The following CAMTA1 variants were observed in gnomAD, a reference collection of about 807,000 sequenced individuals.
The protein encoded by CAMTA1 is calmodulin binding transcription activator 1.
Under a neutral mutation model 170.9 loss-of-function variants are expected in CAMTA1, and 27 were observed. The ratio of observed to expected loss-of-function variants is 0.16; its 90% CI spans 0.12 to 0.22. The LOEUF (loss-of-function observed/expected upper bound fraction) is 0.22, where lower values mean the gene tolerates loss of function less well. Ranked by LOEUF, CAMTA1 falls within the 10% of genes least tolerant of loss-of-function variation. CAMTA1 has a pLI of 1.00. For missense variants in CAMTA1, 1,619 were observed against 2,217.2 expected (o/e 0.73, Z 5.42); for synonymous variants, 833 against 891.5 (o/e 0.93, Z 1.17).
In CAMTA1 at chr1:7,391,328, AGTGTGTGTGT is replaced by A. The variant is rs35663101; in HGVS notation, c.439-76481_439-76472del. 1.0e-4 allele frequency among the ~76,000 whole-genome samples: 15 copies of A among 146,926 alleles called. 1 individual carries two copies. Among genetic ancestry groups the A allele is most frequent in the Admixed American group, 7.5e-4 (11 of 14,764 alleles). ...GGATGTTTTATGCATCCCTTTACACAGTGTGTGTGTGTGTGTGTGTGTGTGTGTGTACATC... is the reference window on the plus strand; with the variant it reads ...GGATGTTTTATGCATCCCTTTACACAGTGTGTGTGTGTGTGTGTGTACATC... On this transcript the variant is annotated intron_variant, in intron 5 of 22. Coordinates refer to ENST00000303635, the MANE Select transcript of CAMTA1 (RefSeq NM_015215.4).
chr1:6,884,332 AC>A lies in CAMTA1; in HGVS notation c.234+59123del, dbSNP rs1486887438. ...CACACACACACACACACACACACAC[AC>A]ACAATTTTGTTTGGCTTTGATCCAC... On this transcript the variant is annotated intron_variant, in intron 3 of 22. Transcript: ENST00000303635. Among the ~76,000 whole-genome samples, 117 of 144,916 alleles carry A rather than the reference AC, an allele frequency of 8.1e-4. 1 individual carries two copies. Among genetic ancestry groups the A allele is most frequent in the South Asian group, 1.4e-3 (6 of 4,362 alleles).
At chr1:7,103,456 T>C (rs1186946906) in intron 4 of CAMTA1, among the ~76,000 whole-genome samples, 1 of 120,594 alleles carries the variant, frequency 8.3e-6, no homozygotes, top group Non-Finnish European at 1.7e-5. Context: ...CACACACAAC[T>C]ACACACATGT....
intron 4 of CAMTA1, among the ~76,000 whole-genome samples, chr1:7,110,985 G>A (rs1286017261): frequency 6.6e-6 from 1 of 152,324 alleles, no homozygotes; most frequent in Non-Finnish European, 1.5e-5. Context: ...TGTCAGAAGG[G>A]CTGCGCTCCT....
rs548593026 is a variant in CAMTA1, at chr1:7,769,566, T to G, written c.*3075T>G. On this transcript the variant is annotated 3_prime_UTR_variant, in exon 23 of 23. Coordinates refer to ENST00000303635, the MANE Select transcript of CAMTA1 (RefSeq NM_015215.4). Reference sequence around the variant, plus strand: ...TGTAATTGTGCATGTAAAGCATCATTGAATCAATGGATCTGTTGAAGAACT... The same window carrying G: ...TGTAATTGTGCATGTAAAGCATCATGGAATCAATGGATCTGTTGAAGAACT... 3.3e-5 allele frequency: 5 copies of G among 152,930 alleles called. No individual in the cohort carries two copies. In the South Asian group the frequency reaches 1.0e-3, roughly 32 times the overall value. 9.5% of individuals were successfully genotyped at this position (152,930 alleles called of 1,614,324 possible).
chr1:7,104,483 G>T (rs890267528), intron 4 of CAMTA1, among the ~76,000 whole-genome samples: 1 of 152,152 alleles, frequency 6.6e-6, no homozygotes, highest in Non-Finnish European at 1.5e-5. Flanking sequence ...CAGCAAAGAC[G>T]CCGTGGAGTC....
At chr1:7,097,836 A>G (rs1642255829) in intron 4 of CAMTA1, among the ~76,000 whole-genome samples, 2 of 152,120 alleles carry the variant, frequency 1.3e-5, no homozygotes, top group Non-Finnish European at 1.5e-5. Context: ...GGTGGTTTCC[A>G]AGGGCTGGGG....
intron 3 of CAMTA1, among the ~76,000 whole-genome samples, chr1:6,952,916 A>G (rs532184828): frequency 2.5e-4 from 38 of 152,210 alleles, no homozygotes; most frequent in Non-Finnish European, 5.3e-4. Context: ...TAAGAGGAAA[A>G]CAGGGATCCC....
chr1:7,660,797 C>A (rs576711403), intron 7 of CAMTA1, among the ~76,000 whole-genome samples: 1 of 152,346 alleles, frequency 6.6e-6, no homozygotes, highest in South Asian at 2.1e-4. Context: ...TCCTCCGCGC[C>A]TGGATCCCCA....
chr1:7,511,036 G>A (rs1227717355), intron 6 of CAMTA1, among the ~76,000 whole-genome samples: 7 of 145,014 alleles, frequency 4.8e-5, no homozygotes, highest in Non-Finnish European at 7.7e-5. Flanking sequence ...TTACTCCTTC[G>A]GCACTCGCCC....
At chr1:7,170,237 C>T (rs775260925) in intron 4 of CAMTA1, among the ~76,000 whole-genome samples, 7 of 148,936 alleles carry the variant, frequency 4.7e-5, no homozygotes, top group Admixed American at 1.3e-4. Flanking sequence ...TCCTTCAGTT[C>T]GCAATGTTTT....
chr1:7,661,900 C>G (rs371983883), intron 8 of CAMTA1, 34 bp downstream of exon 8: 1 of 1,570,046 alleles, frequency 6.4e-7, no homozygotes, highest in Admixed American at 1.9e-5. Flanking sequence ...GCGGGCGCCA[C>G]GGGGACAGAG....
intron 5 of CAMTA1, among the ~76,000 whole-genome samples, chr1:7,310,700 C>CTCTTTCTTTCTTTCTTTCTTTCTT (rs71571885): frequency 1.9e-5 from 1 of 53,456 alleles, no homozygotes; most frequent in East Asian, 3.6e-4. Context: ...CTCTCTCTCT[C>CTCTTTCTTTCTTTCTTTCTTTCTT]TCTTTCTTTC....
rs561082934 is a variant in CAMTA1, at chr1:7,682,448, G to A, written c.2914+4715G>A. Among the ~76,000 whole-genome samples, 4 of 152,338 alleles carry A rather than the reference G, an allele frequency of 2.6e-5. No individual in the cohort carries two copies. The East Asian group carries it at 5.8e-4, about 22-fold the overall frequency. On this transcript the variant is annotated intron_variant, in intron 11 of 22. Coordinates refer to ENST00000303635, the MANE Select transcript of CAMTA1 (RefSeq NM_015215.4). This position sits in a 1 kb window ranked among gnomAD's most constrained non-coding sequence, Gnocchi z 5.0. Reference sequence around the variant, plus strand: ...TGGTTTGGCCTTCTGATCCGTCCACGCTCTCTGTGCTAACAGATGGAAGAT... The same window carrying A: ...TGGTTTGGCCTTCTGATCCGTCCACACTCTCTGTGCTAACAGATGGAAGAT...
intron 6 of CAMTA1, among the ~76,000 whole-genome samples, chr1:7,539,965 G>C (rs1018761600): frequency 1.3e-5 from 2 of 152,210 alleles, no homozygotes; most frequent in African/African-American, 4.8e-5. Flanking sequence ...GCAGACTTCT[G>C]TTCCTCCTTC....
intron 6 of CAMTA1, among the ~76,000 whole-genome samples, chr1:7,587,452 C>T (rs1451817685): frequency 1.3e-5 from 2 of 152,110 alleles, no homozygotes; most frequent in Admixed American, 1.3e-4. Flanking sequence ...TCTAACCGCC[C>T]GTGATTTCAG....
rs1293330891 is a variant in CAMTA1, at chr1:7,044,416, G to A, written c.235-46888G>A. On this transcript the variant is annotated intron_variant, in intron 3 of 22. Coordinates refer to ENST00000303635, the MANE Select transcript of CAMTA1 (RefSeq NM_015215.4). The surrounding 1 kb of genome is among the most constrained non-coding windows in gnomAD (Gnocchi z 5.0). ...CTGGGGACGCCGAGGACGCAGAGCC[G>A]TGCCACTGGGGACCCCGGGAAAGCA... Among the ~76,000 whole-genome samples, 6 of 152,200 alleles carry A rather than the reference G, an allele frequency of 3.9e-5. No homozygotes were observed. The highest frequency in any genetic ancestry group is 3.9e-4 in the Admixed American group (6 of 15,282).
At chr1:6,955,263 C>T (rs1689252978) in intron 3 of CAMTA1, among the ~76,000 whole-genome samples, 2 of 152,110 alleles carry the variant, frequency 1.3e-5, no homozygotes, top group South Asian at 2.1e-4. Flanking sequence ...ATGATGTCAG[C>T]ACTGGGCGTG....
chr1:7,391,397 T>C (rs920896762), intron 5 of CAMTA1, among the ~76,000 whole-genome samples: 3 of 152,010 alleles, frequency 2.0e-5, no homozygotes, highest in Admixed American at 2.0e-4. Flanking sequence ...TGGGTTTTAT[T>C]GTCATCCCCT....
intron 4 of CAMTA1, among the ~76,000 whole-genome samples, chr1:7,185,577 A>G (rs994867765): frequency 7.2e-5 from 11 of 152,350 alleles, no homozygotes; most frequent in African/African-American, 2.6e-4. Context: ...CAAAGTTCTT[A>G]CTAATTTCAA....
Sources: allele counts gnomAD v4.1 joint callset (sites outside exome capture counted in the v4.1 genomes callset), GRCh38; gene constraint gnomAD v4.1.1; non-coding constraint Gnocchi (gnomAD v3.1); transcripts MANE v1.5; gene names NCBI Gene and HGNC (gene_info 2026-07-23, HGNC 2026-07-21).